The following NBAS variants were observed in gnomAD, a reference collection of about 807,000 sequenced individuals.
The protein encoded by NBAS is NAG/BC035112 fusion.
Under a neutral mutation model 302.5 loss-of-function variants are expected in NBAS, and 219 were observed. The ratio of observed to expected loss-of-function variants is 0.72; its 90% CI spans 0.65 to 0.81. NBAS has a LOEUF of 0.81. Ranked by LOEUF, NBAS falls within the 30% of genes least tolerant of loss-of-function variation. The probability of loss-of-function intolerance (pLI) is 0.00; values close to 1 mark genes in which losing one functional copy is unlikely to be tolerated. For missense variants in NBAS, 2,932 were observed against 2,841.6 expected, an observed-to-expected ratio of 1.03 and a Z score of -0.72; for synonymous variants, 1,118 against 1,021.6, an observed-to-expected ratio of 1.09 and a Z score of -1.80.
the NBAS span, among the ~76,000 whole-genome samples, chr2:14,908,376 A>C: frequency 1.3e-5 from 2 of 152,300 alleles, no homozygotes; most frequent in East Asian, 3.9e-4. Context: ...ATATAATAAT[A>C]ATAAAAATAA....
At chr2:15,020,955 G>C in the NBAS span, among the ~76,000 whole-genome samples, 1 of 152,174 alleles carries the variant, frequency 6.6e-6, no homozygotes, top group African/African-American at 2.4e-5. Context: ...GACCTGGCCA[G>C]GCATGGTGAC....
At chr2:15,293,147 G>C (rs1204252127) in intron 40 of NBAS, among the ~76,000 whole-genome samples, 1 of 152,060 alleles carries the variant, frequency 6.6e-6, no homozygotes, top group Non-Finnish European at 1.5e-5. Flanking sequence ...AATTTTCATC[G>C]CCATTGCCTC....
chr2:15,258,801 C>T (rs1386995455), intron 44 of NBAS, among the ~76,000 whole-genome samples: 5 of 152,182 alleles, frequency 3.3e-5, no homozygotes, highest in African/African-American at 4.8e-5. Context: ...GCCTCAGAAG[C>T]ATGTGATCTT....
intron 12 of NBAS, 65 bp from the exon 13 acceptor site, chr2:15,478,354 A>T: frequency 8.4e-7 from 1 of 1,184,456 alleles, no homozygotes; most frequent in Non-Finnish European, 1.3e-6. Context: ...AATCATCAAG[A>T]ACTGTGGACT....
chr2:15,218,972 C>T lies in NBAS; in HGVS notation c.6237-4G>A. 1 of 1,614,240 alleles carries T rather than the reference C, an allele frequency of 6.2e-7. No individual in the cohort carries two copies. Among genetic ancestry groups the T allele is most frequent in the Non-Finnish European group, 8.5e-7 (1 of 1,180,030 alleles). On this transcript the variant is annotated splice_region_variant and splice_polypyrimidine_tract_variant and intron_variant, in intron 47 of 51. Coordinates refer to ENST00000281513, the MANE Select transcript of NBAS (RefSeq NM_015909.4). ...CTCAGGTGAAACCAGCTCCTCACTG[C>T]AGGGCAAAATCCAGAGGTATCTGTA...
chr2:15,088,286 C>T, the NBAS span, among the ~76,000 whole-genome samples: 3 of 152,150 alleles, frequency 2.0e-5, no homozygotes, highest in Non-Finnish European at 1.5e-5. Context: ...TTTACAAGGA[C>T]AGAGCATTCT....
the NBAS span, among the ~76,000 whole-genome samples, chr2:15,037,942 C>T: frequency 6.6e-6 from 1 of 151,988 alleles, no homozygotes; most frequent in Non-Finnish European, 1.5e-5. Context: ...TGCTGTGGTA[C>T]CAATGGCCCC....
chr2:15,134,393 T>C, the NBAS span, among the ~76,000 whole-genome samples: 3 of 152,126 alleles, frequency 2.0e-5, no homozygotes, highest in Non-Finnish European at 4.4e-5. Flanking sequence ...CAAACTGCTG[T>C]TGTTTTCAAG....
At chr2:15,196,921 T>C (rs1239748802) in intron 48 of NBAS, among the ~76,000 whole-genome samples, 1 of 152,204 alleles carries the variant, frequency 6.6e-6, no homozygotes, top group African/African-American at 2.4e-5. Context: ...TTATCCTTCC[T>C]TTATTAAACC....
In NBAS at chr2:15,236,368, C is replaced by T. The variant is rs750924401; in HGVS notation, c.5944-1621G>A. On this transcript the variant is annotated intron_variant, in intron 45 of 51. Coordinates refer to ENST00000281513, the MANE Select transcript of NBAS (RefSeq NM_015909.4). Reference sequence around the variant, plus strand: ...TTTGAGACCAGCCTGGGCAACATGGCGAAACTCTGTCCCTACAAAAAATAC... The same window carrying T: ...TTTGAGACCAGCCTGGGCAACATGGTGAAACTCTGTCCCTACAAAAAATAC... Among the ~76,000 whole-genome samples the T allele has an allele frequency of 9.9e-5, 15 of 151,114 alleles. 1 individual carries two copies. The highest frequency in any genetic ancestry group is 1.7e-4 in the African/African-American group (7 of 41,162).
At chr2:15,040,376 G>A in the NBAS span, among the ~76,000 whole-genome samples, 5 of 152,186 alleles carry the variant, frequency 3.3e-5, no homozygotes, top group African/African-American at 1.2e-4. Flanking sequence ...ATTACCGCAA[G>A]ATTGTTGGTT....
downstream of NBAS, among the ~76,000 whole-genome samples, chr2:15,165,614 T>C (rs10754948): frequency 0.31 from 47,409 of 152,018 alleles, 8,070 homozygotes; most frequent in African/African-American, 0.45. Flanking sequence ...CGAAGCGATG[T>C]TATTCTTAAA....
At chr2:15,035,860 T>C in the NBAS span, among the ~76,000 whole-genome samples, 1 of 151,912 alleles carries the variant, frequency 6.6e-6, no homozygotes, top group African/African-American at 2.4e-5. Context: ...ACGAGGCCTG[T>C]AGGGGGTGGG....
intron 11 of NBAS, among the ~76,000 whole-genome samples, chr2:15,503,214 A>AT (rs1661662897): frequency 6.6e-6 from 1 of 152,158 alleles, no homozygotes; most frequent in African/African-American, 2.4e-5. Context: ...AACATTCCTA[A>AT]GGCTGTTTTA....
At chr2:15,196,873 G>A (rs981970855) in intron 48 of NBAS, among the ~76,000 whole-genome samples, 1 of 152,072 alleles carries the variant, frequency 6.6e-6, no homozygotes, top group African/African-American at 2.4e-5. Flanking sequence ...ACAGGAAATT[G>A]GCATGCCTGT....
the NBAS span, among the ~76,000 whole-genome samples, chr2:14,963,954 G>A: frequency 0.16 from 24,122 of 152,054 alleles, 2,575 homozygotes; most frequent in African/African-American, 0.31. Flanking sequence ...TCAGCAAAGC[G>A]GAATAATTAG....
At position 15,534,470 on chromosome 2, in the gene NBAS, AAT is replaced by A. The variant is rs1365314792; in HGVS notation, c.746+71_746+72del. Reference sequence around the variant, plus strand: ...ATTAAGAAGTCAACATAAGAATCAGAATAGTTTCTTCTATCTGAATCTATGCC... The same window carrying A: ...ATTAAGAAGTCAACATAAGAATCAGAAGTTTCTTCTATCTGAATCTATGCC... On this transcript the variant is annotated intron_variant, in intron 9 of 51. Transcript: ENST00000281513. 7 of 1,081,192 alleles carry A rather than the reference AAT, an allele frequency of 6.5e-6. No individual in the cohort carries two copies. In the African/African-American group the frequency reaches 1.1e-4, roughly 17 times the overall value. The allele number at this position is 1,081,192 out of a possible 1,614,324, so 67.0% of individuals were successfully genotyped here.
At chr2:15,093,825 T>C in the NBAS span, among the ~76,000 whole-genome samples, 1 of 152,162 alleles carries the variant, frequency 6.6e-6, no homozygotes, top group Admixed American at 6.5e-5. Flanking sequence ...TTTTTAAGCA[T>C]AGAAAAAGAC....
intron 33 of NBAS, among the ~76,000 whole-genome samples, chr2:15,355,105 T>C (rs182321364): frequency 1.9e-4 from 29 of 152,350 alleles, no homozygotes; most frequent in Admixed American, 6.5e-5. Flanking sequence ...AGTGTCAGAA[T>C]AATGTTTTCT....
Sources: allele counts gnomAD v4.1 joint callset (sites outside exome capture counted in the v4.1 genomes callset), GRCh38; gene constraint gnomAD v4.1.1; transcripts MANE v1.5; gene names NCBI Gene and HGNC (gene_info 2026-07-23, HGNC 2026-07-21).